Variants in LRRC37A2 observed in about 807,000 individuals in gnomAD.
LRRC37A2 encodes the protein leucine rich repeat containing 37 member A2.
LRRC37A2 carries 9 observed loss-of-function variants against 68.8 expected under a neutral mutation model. The ratio of observed to expected loss-of-function variants is 0.13; its 90% CI spans 0.08 to 0.23. LRRC37A2 has a LOEUF of 0.23. Among genes scored for constraint, LRRC37A2 ranks in the 10% least tolerant of loss-of-function variants. The pLI is 1.00. For missense variants in LRRC37A2, 168 were observed against 950.4 expected (o/e 0.18, Z 10.82); for synonymous variants, 63 against 367.6 (o/e 0.17, Z 9.48).
chr17:47,016,133 T>C, the LRRC37A2 span, among the ~76,000 whole-genome samples: 14 of 152,020 alleles, frequency 9.2e-5, no homozygotes, highest in Non-Finnish European at 1.5e-4. Flanking sequence ...TTAGTAGAGA[T>C]GGAGTTTCAC....
the LRRC37A2 span, chr17:46,768,264 TC>T: frequency 1.2e-6 from 2 of 1,610,352 alleles, no homozygotes; most frequent in Non-Finnish European, 8.5e-7. The surrounding 1 kb of genome is among the most constrained non-coding windows in gnomAD (Gnocchi z 5.0). Flanking sequence ...ACAACCCCAT[TC>T]CCTGCGCCCA....
the LRRC37A2 span, among the ~76,000 whole-genome samples, chr17:47,037,804 A>G: frequency 2.6e-5 from 4 of 152,194 alleles, no homozygotes; most frequent in Non-Finnish European, 4.4e-5. Flanking sequence ...TCTTTACTTG[A>G]CATAGGTCTG....
chr17:46,568,519 G>T, the LRRC37A2 span, among the ~76,000 whole-genome samples: 2 of 113,824 alleles, frequency 1.8e-5, no homozygotes, highest in African/African-American at 3.5e-5. Flanking sequence ...AAAAGAGGGG[G>T]GGAGGCCAGG....
chr17:46,500,959 C>T, the LRRC37A2 span, among the ~76,000 whole-genome samples: 1 of 151,176 alleles, frequency 6.6e-6, no homozygotes, highest in Non-Finnish European at 1.5e-5. Context: ...GCGGGTGGAT[C>T]ACCTGAGGTG....
chr17:46,921,872 T>G, the LRRC37A2 span, among the ~76,000 whole-genome samples: 1 of 152,244 alleles, frequency 6.6e-6, no homozygotes, highest in Non-Finnish European at 1.5e-5. Context: ...AGAACACTTT[T>G]ACACTGTTGG....
the LRRC37A2 span, chr17:46,933,428 T>A: frequency 6.6e-6 from 1 of 152,204 alleles, no homozygotes; most frequent in Non-Finnish European, 1.5e-5. Flanking sequence ...CTCTGAGTCT[T>A]TCAAACGCCA....
chr17:46,884,347 C>T, the LRRC37A2 span, among the ~76,000 whole-genome samples: 1 of 152,172 alleles, frequency 6.6e-6, no homozygotes, highest in African/African-American at 2.4e-5. Context: ...CAGAGCTGCG[C>T]AGGTGTTGCA....
At chr17:46,970,995 G>T in the LRRC37A2 span, among the ~76,000 whole-genome samples, 1 of 152,174 alleles carries the variant, frequency 6.6e-6, no homozygotes, top group African/African-American at 2.4e-5. Flanking sequence ...CAGGAATGTG[G>T]CTACTGTTTG....
chr17:46,895,434 C>A, the LRRC37A2 span, among the ~76,000 whole-genome samples: 1 of 152,230 alleles, frequency 6.6e-6, no homozygotes, highest in Non-Finnish European at 1.5e-5. Flanking sequence ...CCACAGCTCT[C>A]ACCCGTGAGG....
chr17:46,759,006 G>A, the LRRC37A2 span, among the ~76,000 whole-genome samples: 2 of 152,072 alleles, frequency 1.3e-5, no homozygotes, highest in Non-Finnish European at 2.9e-5. Flanking sequence ...GGAGTTCGAC[G>A]CCAGCCTGAC....
At chr17:46,879,274 C>T in the LRRC37A2 span, among the ~76,000 whole-genome samples, 8 of 152,234 alleles carry the variant, frequency 5.3e-5, no homozygotes, top group East Asian at 1.9e-4. Flanking sequence ...AGCAGGAGGC[C>T]GGGTCGCTGG....
the LRRC37A2 span, among the ~76,000 whole-genome samples, chr17:46,488,664 C>T: frequency 7.5e-6 from 1 of 133,796 alleles, no homozygotes; most frequent in Non-Finnish European, 1.6e-5. Flanking sequence ...AAGATCGCAC[C>T]ACTGCACTCC....
the LRRC37A2 span, among the ~76,000 whole-genome samples, chr17:46,981,637 T>C: frequency 1.3e-5 from 2 of 152,210 alleles, no homozygotes; most frequent in African/African-American, 4.8e-5. Context: ...CCCATACCCA[T>C]CCTGATACTC....
At chr17:46,551,427 C>A (rs2056806504) in intron 11 of LRRC37A2, among the ~76,000 whole-genome samples, 2 of 149,726 alleles carry the variant, frequency 1.3e-5, no homozygotes, top group Non-Finnish European at 2.9e-5. Flanking sequence ...TGGCAGCCCT[C>A]CATTCCAGCC....
At chr17:46,918,264 G>C in the LRRC37A2 span, among the ~76,000 whole-genome samples, 2 of 152,142 alleles carry the variant, frequency 1.3e-5, no homozygotes, top group East Asian at 3.9e-4. Flanking sequence ...ATTTTTAGTA[G>C]AGAAGAGGTT....
At chr17:47,018,714 G>A in the LRRC37A2 span, 1 of 1,520,608 alleles carries the variant, frequency 6.6e-7, no homozygotes. Flanking sequence ...GACCGCTGAG[G>A]AGGGTGAATC....
chr17:46,725,545 C>T, the LRRC37A2 span, among the ~76,000 whole-genome samples: 1 of 152,084 alleles, frequency 6.6e-6, no homozygotes, highest in Admixed American at 6.6e-5. Context: ...GTTAGGAATA[C>T]TTTAAAAACC....
chr17:46,749,711 T>G, the LRRC37A2 span: 3 of 1,453,604 alleles, frequency 2.1e-6, no homozygotes, highest in Non-Finnish European at 2.8e-6. Flanking sequence ...TGTTCAAGCT[T>G]ACTGTAGTTT....
the LRRC37A2 span, among the ~76,000 whole-genome samples, chr17:46,830,221 C>G: frequency 6.6e-6 from 1 of 152,098 alleles, no homozygotes; most frequent in African/African-American, 2.4e-5. Context: ...TTGCTATGCA[C>G]ATCAGCAGGT....
Sources: allele counts gnomAD v4.1 joint callset (sites outside exome capture counted in the v4.1 genomes callset), GRCh38; gene constraint gnomAD v4.1.1; non-coding constraint Gnocchi (gnomAD v3.1); transcripts MANE v1.5; gene names NCBI Gene and HGNC (gene_info 2026-07-23, HGNC 2026-07-21).